The following SLC38A1 variants were observed in gnomAD, a reference collection of about 807,000 sequenced individuals.
The protein encoded by SLC38A1 is sodium-coupled neutral amino acid symporter 1.
A neutral mutation model predicts 60.3 loss-of-function variants in SLC38A1; 18 were observed. That is an observed-to-expected ratio of 0.30 (90% CI 0.21 to 0.44). The LOEUF is 0.44. SLC38A1 is among the 20% of genes least tolerant of loss of function. The pLI is 1.00. For synonymous variants in SLC38A1, 196 were observed against 212.1 expected, an observed-to-expected ratio of 0.92 and a Z score of 0.66; for missense variants, 448 against 587.2, an observed-to-expected ratio of 0.76 and a Z score of 2.45.
chr12:46,249,486 G>A (rs531421882), intron 1 of SLC38A1, among the ~76,000 whole-genome samples: 12 of 151,996 alleles, frequency 7.9e-5, no homozygotes, highest in African/African-American at 1.9e-4. Flanking sequence ...AACTAAGATC[G>A]GAGCAGAATT....
At chr12:46,189,725 T>G (rs984526323) in intron 16 of SLC38A1, among the ~76,000 whole-genome samples, 1 of 152,122 alleles carries the variant, frequency 6.6e-6, no homozygotes, top group African/African-American at 2.4e-5. Context: ...GGGGCGGGTC[T>G]TTCCCATGCT....
At chr12:46,190,459 G>A (rs1939100642) in intron 16 of SLC38A1, among the ~76,000 whole-genome samples, 1 of 152,190 alleles carries the variant, frequency 6.6e-6, no homozygotes, top group Non-Finnish European at 1.5e-5. Context: ...CCAGTAATGG[G>A]ATTGCTGGGT....
At chr12:46,212,299 C>T (rs1333989523) in intron 5 of SLC38A1, among the ~76,000 whole-genome samples, 5 of 152,326 alleles carry the variant, frequency 3.3e-5, no homozygotes, top group East Asian at 3.9e-4. Flanking sequence ...TGTGTTAACA[C>T]AGAGGAACAC....
chr12:46,194,964 T>A (rs919903943), intron 16 of SLC38A1, among the ~76,000 whole-genome samples: 2 of 152,176 alleles, frequency 1.3e-5, no homozygotes, highest in African/African-American at 4.8e-5. Flanking sequence ...CTCCGTCTAG[T>A]TTTGTTCCCT....
intron 5 of SLC38A1, among the ~76,000 whole-genome samples, chr12:46,216,128 G>A (rs1161274864): frequency 2.0e-5 from 3 of 152,024 alleles, no homozygotes; most frequent in African/African-American, 7.2e-5. Flanking sequence ...TTTCTCAAGG[G>A]TCTCAACCCT....
intron 1 of SLC38A1, among the ~76,000 whole-genome samples, chr12:46,247,909 C>A (rs1040616163): frequency 5.3e-5 from 8 of 152,254 alleles, no homozygotes; most frequent in African/African-American, 1.9e-4. Flanking sequence ...TAATTTTCAA[C>A]CCAGAATTTC....
At chr12:46,255,854 T>C (rs1186767255) in intron 1 of SLC38A1, among the ~76,000 whole-genome samples, 1 of 151,972 alleles carries the variant, frequency 6.6e-6, no homozygotes, top group Non-Finnish European at 1.5e-5. Context: ...CCAAAGTAGG[T>C]AAACTGAACA....
rs1055149708 is a variant in SLC38A1 at position 46,268,827 on chromosome 12, A to G, written c.-510T>C. 4 of 442,378 alleles carry G rather than the reference A, an allele frequency of 9.0e-6. No homozygotes were observed. The highest frequency in any genetic ancestry group is 8.1e-5 in the African/African-American group (4 of 49,520). 27.4% of individuals were successfully genotyped at this position (442,378 alleles called of 1,614,324 possible). ...GCATCAGAATCTCCCCTCACCACCA[A>G]CCCCCACTCACACTCTGCTCGCCGG... On this transcript the variant is annotated 5_prime_UTR_variant, in exon 1 of 17. Coordinates refer to ENST00000398637, the MANE Select transcript of SLC38A1 (RefSeq NM_030674.4). This position sits in a 1 kb window ranked among gnomAD's most constrained non-coding sequence, Gnocchi z 4.4.
chr12:46,251,828 T>C (rs1466210960), intron 1 of SLC38A1, among the ~76,000 whole-genome samples: 1 of 151,632 alleles, frequency 6.6e-6, no homozygotes, highest in African/African-American at 2.4e-5. Context: ...ATTTAAAAAG[T>C]CAGGAAACAA....
chr12:46,240,274 G>A (rs1056848014), intron 2 of SLC38A1, among the ~76,000 whole-genome samples: 2 of 152,176 alleles, frequency 1.3e-5, no homozygotes, highest in Non-Finnish European at 2.9e-5. Context: ...TCGGCTCACT[G>A]CAACCTCTGC....
At chr12:46,261,924 T>C (rs1942208942) in intron 1 of SLC38A1, among the ~76,000 whole-genome samples, 2 of 152,086 alleles carry the variant, frequency 1.3e-5, no homozygotes, top group Admixed American at 1.3e-4. Flanking sequence ...GCTGCAGGCA[T>C]CTAGTTGAGA....
intron 9 of SLC38A1, among the ~76,000 whole-genome samples, chr12:46,205,012 T>G (rs1044666685): frequency 6.6e-6 from 1 of 152,216 alleles, no homozygotes; most frequent in Non-Finnish European, 1.5e-5. Context: ...ACTTATTGTG[T>G]GCATACTGAA....
At position 46,188,838 on chromosome 12, in the gene SLC38A1, G is replaced by C; in HGVS notation, c.*132C>G. ...CATGTCTCTGTTTTGCAACCAAAAA[G>C]TTATTCCATTTTAAGTATCCTGTAC... On this transcript the variant is annotated 3_prime_UTR_variant, in exon 17 of 17. Coordinates refer to ENST00000398637, the MANE Select transcript of SLC38A1 (RefSeq NM_030674.4). The C allele has an allele frequency of 1.4e-6, 1 of 691,834 alleles. No individual in the cohort carries two copies. Among genetic ancestry groups the C allele is most frequent in the East Asian group, 2.6e-5 (1 of 38,954 alleles). 42.9% of individuals were successfully genotyped at this position (691,834 alleles called of 1,614,324 possible). A position where few individuals can be genotyped will look rare whatever the true frequency, so the allele number is the denominator to read the frequency against.
intron 1 of SLC38A1, among the ~76,000 whole-genome samples, chr12:46,248,297 C>T (rs569222723): frequency 7.9e-5 from 12 of 152,192 alleles, no homozygotes; most frequent in East Asian, 1.9e-4. Flanking sequence ...ACCCATCTCA[C>T]GTGCAAAGAC....
At chr12:46,207,707 T>C in intron 6 of SLC38A1, 86 bp from the exon 7 acceptor site, 1 of 1,285,578 alleles carries the variant, frequency 7.8e-7, no homozygotes, top group Non-Finnish European at 1.1e-6. Flanking sequence ...CTATTGACTG[T>C]TCCCCAAGTT....
rs531291961 is a variant in SLC38A1 at position 46,237,933 on chromosome 12, A to G, written c.122+1746T>C. 3.9e-4 allele frequency among the ~76,000 whole-genome samples: 60 copies of G among 151,912 alleles called. 1 individual carries two copies. Among genetic ancestry groups the G allele is most frequent in the African/African-American group, 1.4e-3 (58 of 41,184 alleles). ...AATGGCCCTGGTAGCATTTAATAGA[A>G]CTATTAAAGACTAGCTTTTTACCAA... On this transcript the variant is annotated intron_variant, in intron 3 of 16. Transcript: ENST00000398637.
intron 3 of SLC38A1, 128 bp downstream of exon 3, chr12:46,239,551 C>G: frequency 1.0e-6 from 1 of 988,550 alleles, no homozygotes; most frequent in South Asian, 1.5e-5. Context: ...CCATGTTGGT[C>G]AGGCTGGTCT....
In SLC38A1 at chr12:46,265,951, G is replaced by A. The variant is rs79597002; in HGVS notation, c.-209+2575C>T. ...GACCTGAACTTGGGCAGTGGAAATGGAGACAAGAGGACAAGTGTGAGGGGT... is the reference window on the plus strand; with the variant it reads ...GACCTGAACTTGGGCAGTGGAAATGAAGACAAGAGGACAAGTGTGAGGGGT... On this transcript the variant is annotated intron_variant, in intron 1 of 16. Transcript: ENST00000398637. Among the ~76,000 whole-genome samples the A allele has an allele frequency of 6.5e-3, 995 of 152,304 alleles. 4 individuals are homozygous for A. Among genetic ancestry groups the A allele is most frequent in the Middle Eastern group, 0.017 (5 of 294 alleles).
At chr12:46,250,999 A>G (rs982275817) in intron 1 of SLC38A1, among the ~76,000 whole-genome samples, 3 of 152,218 alleles carry the variant, frequency 2.0e-5, no homozygotes, top group Non-Finnish European at 4.4e-5. Context: ...AACTACTTTA[A>G]AGTTCATATG....
Sources: gnomAD v4.1 joint callset for allele counts (sites outside exome capture counted in the v4.1 genomes callset) on GRCh38, gnomAD v4.1.1 for gene constraint, Gnocchi (gnomAD v3.1) non-coding constraint, MANE v1.5 for transcripts, NCBI Gene and HGNC (gene_info 2026-07-23, HGNC 2026-07-21) for gene names.